The following GRAMD2A variants were observed in gnomAD, a reference collection of about 807,000 sequenced individuals.
GRAMD2A encodes GRAM domain-containing protein 2A.
GRAMD2A carries 37 observed loss-of-function variants against 51.1 expected under a neutral mutation model. The ratio of observed to expected loss-of-function variants is 0.72; its 90% CI spans 0.56 to 0.95. The LOEUF is 0.95. Ranked by LOEUF, GRAMD2A falls within the 40% of genes least tolerant of loss-of-function variation. The probability of loss-of-function intolerance (pLI) is 0.00; values close to 1 mark genes in which losing one functional copy is unlikely to be tolerated. For synonymous variants in GRAMD2A, 136 were observed against 157.1 expected (o/e 0.87, Z 1.01); for missense variants, 414 against 426.9 (o/e 0.97, Z 0.27).
intron 4 of GRAMD2A, 34 bp from the exon 5 acceptor site, chr15:72,167,873 C>A: frequency 6.6e-7 from 1 of 1,513,512 alleles, no homozygotes; most frequent in Non-Finnish European, 9.2e-7. Flanking sequence ...TGGCCATAAG[C>A]AAGGTCAGCC....
At chr15:72,194,552 G>A (rs1188841844) in intron 1 of GRAMD2A, among the ~76,000 whole-genome samples, 8 of 152,186 alleles carry the variant, frequency 5.3e-5, no homozygotes, top group Non-Finnish European at 1.0e-4. Flanking sequence ...CCTTAACAGA[G>A]TTCATGGTGG....
intron 1 of GRAMD2A, among the ~76,000 whole-genome samples, chr15:72,181,044 A>C (rs1189830397): frequency 6.6e-6 from 1 of 152,200 alleles, no homozygotes; most frequent in African/African-American, 2.4e-5. Flanking sequence ...CAAATGGAGA[A>C]GGGGGATTCT....
chr15:72,167,178 C>G, intron 5 of GRAMD2A, 86 bp from the exon 6 acceptor site: 1 of 952,940 alleles, frequency 1.0e-6, no homozygotes, highest in Non-Finnish European at 1.7e-6. Context: ...AGCTGTGAGC[C>G]CAGCATGGCC....
chr15:72,194,090 G>A (rs1253213085), intron 1 of GRAMD2A, among the ~76,000 whole-genome samples: 1 of 152,194 alleles, frequency 6.6e-6, no homozygotes, highest in Non-Finnish European at 1.5e-5. Context: ...GTGATGACAG[G>A]TGGTGACAGA....
rs1353983025 is a variant in GRAMD2A at position 72,160,398 on chromosome 15, T to C, written c.*1611A>G. The C allele has an allele frequency of 6.7e-6, 1 of 150,352 alleles. No individual in the cohort carries two copies. The highest frequency in any genetic ancestry group is 1.5e-5 in the Non-Finnish European group (1 of 67,890). The allele number at this position is 150,352 out of a possible 1,614,324, so 9.3% of individuals were successfully genotyped here. A position where few individuals can be genotyped will look rare whatever the true frequency, so the allele number is the denominator to read the frequency against. On this transcript the variant is annotated 3_prime_UTR_variant, in exon 12 of 12. Coordinates refer to ENST00000309731, the MANE Select transcript of GRAMD2A (RefSeq NM_001012642.3). ...GTGAGTTTCACCTGAGACATACAGA[T>C]TTGGTGCAAGCAACACAAAAGGCCA...
At chr15:72,185,281 C>G (rs1268232343) in intron 1 of GRAMD2A, among the ~76,000 whole-genome samples, 1 of 151,174 alleles carries the variant, frequency 6.6e-6, no homozygotes, top group African/African-American at 2.4e-5. Context: ...GCAACCTCTA[C>G]CTCCCAGGTT....
chr15:72,165,388 C>G lies in GRAMD2A; in HGVS notation c.566G>C (p.Ser189Thr). 6.2e-7 allele frequency: 1 copy of G among 1,614,086 alleles called. No individual in the cohort carries two copies. The highest frequency in any genetic ancestry group is 8.5e-7 in the Non-Finnish European group (1 of 1,180,018). The change falls in exon 8 of 12, where the codon AGT becomes ACT. Residue 189 changes from serine (S) to threonine (T), a missense_variant. Ser to Thr is a moderately conservative substitution (Grantham distance 58). Coordinates refer to ENST00000309731, the MANE Select transcript of GRAMD2A (RefSeq NM_001012642.3). ...AGGTTCCCCTGAAAATTCTCTTACA[C>G]TCAGACTCTTCTTGCTGGAAGGCTG... is the stretch of plus-strand genomic sequence containing the variant. ...HLQPSSKKSL[S>T]VREFSGEPES...
chr15:72,164,425 T>TG (rs397745697), intron 8 of GRAMD2A, among the ~76,000 whole-genome samples: 18 of 151,492 alleles, frequency 1.2e-4, no homozygotes, highest in Non-Finnish European at 4.4e-5. Flanking sequence ...TTTTTTTTTT[T>TG]GACAGGGTCT....
chr15:72,167,785 G>T lies in GRAMD2A; in HGVS notation c.323C>A (p.Ser108Tyr), dbSNP rs917642286. The T allele has an allele frequency of 3.9e-5, 63 of 1,614,070 alleles. No homozygotes were observed. The highest frequency in any genetic ancestry group is 4.9e-5 in the Non-Finnish European group (58 of 1,180,024). ...GGCATGGAAGCAGAGCCAGTTGGGG[G>T]AGATGTAGAGCCGGCCCTGGAGGAG... ...DFLLQGRLYI[S>Y]PNWLCFHASL... The change falls in exon 5 of 12, where the codon TCC becomes TAC. Residue 108 changes from serine to tyrosine, a missense_variant. By Grantham distance (144) the Ser-to-Tyr change is moderately radical (BLOSUM62 -2). Coordinates refer to ENST00000309731, the MANE Select transcript of GRAMD2A (RefSeq NM_001012642.3).
intron 1 of GRAMD2A, among the ~76,000 whole-genome samples, chr15:72,171,735 C>T (rs1241085695): frequency 6.6e-6 from 1 of 152,156 alleles, no homozygotes; most frequent in Non-Finnish European, 1.5e-5. Context: ...TTATTAACCA[C>T]TGGAAGTTCA....
At chr15:72,197,633 T>C in intron 1 of GRAMD2A, 98 bp downstream of exon 1, 1 of 1,003,096 alleles carries the variant, frequency 1.0e-6, no homozygotes, top group Non-Finnish European at 1.3e-6. Context: ...CGCGCCGAGT[T>C]GCCGCGGCCC....
At chr15:72,162,503 G>A in intron 10 of GRAMD2A, 126 bp from the exon 11 acceptor site, 3 of 661,640 alleles carry the variant, frequency 4.5e-6, no homozygotes, top group East Asian at 2.8e-5. Flanking sequence ...CCTTTGTCCT[G>A]CAGCCAGTTC....
intron 1 of GRAMD2A, among the ~76,000 whole-genome samples, chr15:72,182,928 G>A (rs1175691209): frequency 6.6e-6 from 1 of 152,178 alleles, no homozygotes; most frequent in Non-Finnish European, 1.5e-5. Flanking sequence ...TTAGAGTACA[G>A]TGGCGCAATC....
In GRAMD2A at chr15:72,163,661, C is replaced by A. The variant is rs544595021; in HGVS notation, c.697G>T (p.Val233Leu). Residue 233 changes from valine (V) to leucine (L), a missense_variant, in exon 9 of 12, where the codon GTG becomes TTG. Physicochemically the swap from Val to Leu is conservative, Grantham distance 32. Transcript: ENST00000309731. ...GGGAAGAAACTGTCTGTGGAGTCCACGGATGATGGAGGGATACAAGGGATG... is the reference window on the plus strand; with the variant it reads ...GGGAAGAAACTGTCTGTGGAGTCCAAGGATGATGGAGGGATACAAGGGATG... ...DNIPCIPPSS[V>L]DSTDSFFPSR... 1 of 1,608,774 alleles carries A rather than the reference C, an allele frequency of 6.2e-7. No homozygotes were observed. Among genetic ancestry groups the A allele is most frequent in the African/African-American group, 1.3e-5 (1 of 74,530 alleles).
intron 4 of GRAMD2A, 64 bp downstream of exon 4, chr15:72,168,427 G>T: frequency 8.5e-7 from 1 of 1,179,012 alleles, no homozygotes; most frequent in Non-Finnish European, 1.3e-6. Flanking sequence ...GGAGGCTCCA[G>T]AGCAGAGGCC....
Position 72,166,909 on chromosome 15 carries a change from C to T in GRAMD2A, c.471+85G>A. ...GCTGCAGGGTGGGGTGAAATAAAGA[C>T]CTGGGAATGTGCCCGAGTCAGACTG... On this transcript the variant is annotated intron_variant, in intron 6 of 11. Transcript: ENST00000309731. This position sits in a 1 kb window ranked among gnomAD's most constrained non-coding sequence, Gnocchi z 4.1. The T allele has an allele frequency of 8.8e-7, 1 of 1,133,820 alleles. No individual in the cohort carries two copies. Among genetic ancestry groups the T allele is most frequent in the Non-Finnish European group, 1.3e-6 (1 of 746,024 alleles). The allele number at this position is 1,133,820 out of a possible 1,614,324, so 70.2% of individuals were successfully genotyped here. A position where few individuals can be genotyped will look rare whatever the true frequency, so the allele number is the denominator to read the frequency against.
chr15:72,173,288 T>C (rs147878280), intron 1 of GRAMD2A, among the ~76,000 whole-genome samples: 251 of 152,344 alleles, frequency 1.6e-3, no homozygotes, highest in Non-Finnish European at 2.4e-3. Flanking sequence ...ACCATGTCTT[T>C]GCATGGATTC....
chr15:72,196,655 T>A (rs1449946559), intron 1 of GRAMD2A, among the ~76,000 whole-genome samples: 1 of 151,928 alleles, frequency 6.6e-6, no homozygotes, highest in Non-Finnish European at 1.5e-5. Context: ...CGGCTACAGG[T>A]GGACATGGGG....
chr15:72,190,649 T>C (rs1339998872), intron 1 of GRAMD2A, among the ~76,000 whole-genome samples: 1 of 152,194 alleles, frequency 6.6e-6, no homozygotes, highest in East Asian at 1.9e-4. Context: ...TGGACGCAGA[T>C]TGACAATCTA....
Sources: gnomAD v4.1 joint callset for allele counts (sites outside exome capture counted in the v4.1 genomes callset) on GRCh38, gnomAD v4.1.1 for gene constraint, Gnocchi (gnomAD v3.1) non-coding constraint, MANE v1.5 for transcripts, NCBI Gene and HGNC (gene_info 2026-07-23, HGNC 2026-07-21) for gene names.